SLC9A9: variants seen among roughly 807,000 people sequenced by gnomAD.
SLC9A9 encodes the protein solute carrier family 9 member A9, also known as sodium/hydrogen exchanger 9.
Under a neutral mutation model 77.8 loss-of-function variants are expected in SLC9A9, and 62 were observed. The observed-to-expected ratio is 0.80, with a 90% CI of 0.65 to 0.98. The LOEUF is 0.98. Ranked by LOEUF, SLC9A9 falls within the 50% of genes least tolerant of loss-of-function variation. The pLI is 0.00. For synonymous variants in SLC9A9, 320 were observed against 283.5 expected, an observed-to-expected ratio of 1.13 and a Z score of -1.29; for missense variants, 775 against 774.9, an observed-to-expected ratio of 1.00 and a Z score of 0.00.
intron 12 of SLC9A9, among the ~76,000 whole-genome samples, chr3:143,417,149 C>A (rs1264332848): frequency 6.6e-6 from 1 of 152,044 alleles, no homozygotes; most frequent in Non-Finnish European, 1.5e-5. Context: ...GGGAGAGAAT[C>A]TATTGCTCAG....
chr3:143,613,168 T>G (rs553469122), intron 6 of SLC9A9, among the ~76,000 whole-genome samples: 1 of 152,338 alleles, frequency 6.6e-6, no homozygotes, highest in East Asian at 1.9e-4. Flanking sequence ...GGGCTATGGT[T>G]TAAATTGCAT....
At chr3:143,729,539 A>G (rs745414757) in intron 4 of SLC9A9, among the ~76,000 whole-genome samples, 23 of 152,100 alleles carry the variant, frequency 1.5e-4, no homozygotes, top group Non-Finnish European at 2.5e-4. Context: ...TTGTCTTTTT[A>G]TATCTGTGGA....
At chr3:143,449,810 A>AT (rs2034950396) in intron 12 of SLC9A9, among the ~76,000 whole-genome samples, 1 of 47,602 alleles carries the variant, frequency 2.1e-5, no homozygotes, top group Non-Finnish European at 3.1e-5. Context: ...TTATATATAT[A>AT]ATTATATATT....
At chr3:143,451,602 C>T (rs1034025218) in intron 12 of SLC9A9, among the ~76,000 whole-genome samples, 14 of 151,990 alleles carry the variant, frequency 9.2e-5, no homozygotes, top group Non-Finnish European at 1.8e-4. Context: ...AAATCTGTTT[C>T]AAAGCAGTAC....
At chr3:143,559,809 A>G (rs1357854151) in intron 8 of SLC9A9, among the ~76,000 whole-genome samples, 1 of 152,220 alleles carries the variant, frequency 6.6e-6, no homozygotes, top group African/African-American at 2.4e-5. Context: ...AGTCTTCTCC[A>G]TGTAAAAAAG....
chr3:143,831,784 A>G (rs1242091598), intron 2 of SLC9A9, among the ~76,000 whole-genome samples: 1 of 152,200 alleles, frequency 6.6e-6, no homozygotes, highest in Non-Finnish European at 1.5e-5. Context: ...CAGAAAAACA[A>G]AAAAGAAAAC....
At chr3:143,519,767 T>C (rs1192063178) in intron 9 of SLC9A9, among the ~76,000 whole-genome samples, 1 of 151,966 alleles carries the variant, frequency 6.6e-6, no homozygotes, top group African/African-American at 2.4e-5. Flanking sequence ...ATTTTGAAAG[T>C]AGAGAGAGGT....
intron 2 of SLC9A9, among the ~76,000 whole-genome samples, chr3:143,798,800 T>G (rs1259525049): frequency 6.6e-6 from 1 of 152,124 alleles, no homozygotes; most frequent in Non-Finnish European, 1.5e-5. Context: ...TCTGTTCCCA[T>G]GCAACTTGTC....
At chr3:143,484,158 A>G (rs944909216) in intron 11 of SLC9A9, among the ~76,000 whole-genome samples, 2 of 152,204 alleles carry the variant, frequency 1.3e-5, no homozygotes, top group Non-Finnish European at 2.9e-5. Context: ...TCAGAGGGCT[A>G]CTAAAGTCAT....
chr3:143,527,925 G>A (rs929689393), intron 9 of SLC9A9, among the ~76,000 whole-genome samples: 7 of 152,204 alleles, frequency 4.6e-5, no homozygotes, highest in African/African-American at 1.7e-4. Context: ...CAAGGTGAGA[G>A]GCATTGTCAC....
At chr3:143,525,767 G>A (rs2036393728) in intron 9 of SLC9A9, among the ~76,000 whole-genome samples, 1 of 152,124 alleles carries the variant, frequency 6.6e-6, no homozygotes, top group Admixed American at 6.5e-5. Context: ...AAAATCCACA[G>A]GCTGTGAGAG....
chr3:143,273,637 G>T (rs1017446362), intron 14 of SLC9A9, among the ~76,000 whole-genome samples: 1 of 152,092 alleles, frequency 6.6e-6, no homozygotes, highest in African/African-American at 2.4e-5. Context: ...CACTTATCTT[G>T]GGCCCTCTTT....
rs150158719 is a variant in SLC9A9 at position 143,337,241 on chromosome 3, A to G, written c.1604+26243T>C. On this transcript the variant is annotated intron_variant, in intron 14 of 15. Coordinates refer to ENST00000316549, the MANE Select transcript of SLC9A9 (RefSeq NM_173653.4). ...CCTTGAATTGAATTTTCAGCCTCAGAGAGATCAGAAGCTTCCCTCCTTCCA... is the reference window on the plus strand; with the variant it reads ...CCTTGAATTGAATTTTCAGCCTCAGGGAGATCAGAAGCTTCCCTCCTTCCA... Among the ~76,000 whole-genome samples the G allele has an allele frequency of 3.4e-3, 513 of 152,264 alleles. 4 individuals are homozygous for G. The highest frequency in any genetic ancestry group is 0.012 in the African/African-American group (500 of 41,534).
chr3:143,484,778 A>G (rs838649), intron 11 of SLC9A9, among the ~76,000 whole-genome samples: 33,774 of 152,154 alleles, frequency 0.22, 4,822 homozygotes, highest in Non-Finnish European at 0.33. Flanking sequence ...TTCAAAGTCG[A>G]GAGGCCTGGG....
At chr3:143,374,666 A>G (rs1365769318) in intron 13 of SLC9A9, among the ~76,000 whole-genome samples, 3 of 151,970 alleles carry the variant, frequency 2.0e-5, no homozygotes, top group Non-Finnish European at 4.4e-5. Context: ...CATAATAGGT[A>G]TATATATTTA....
intron 11 of SLC9A9, among the ~76,000 whole-genome samples, chr3:143,474,078 A>T (rs946842366): frequency 1.4e-4 from 21 of 152,168 alleles, no homozygotes; most frequent in Non-Finnish European, 1.0e-4. Flanking sequence ...CAGAGAACCT[A>T]ATAGAGGGAG....
At chr3:143,405,124 CT>C (rs1382707185) in intron 12 of SLC9A9, among the ~76,000 whole-genome samples, 1 of 152,110 alleles carries the variant, frequency 6.6e-6, no homozygotes, top group African/African-American at 2.4e-5. Flanking sequence ...CCAGAAGGGC[CT>C]TTTTTGTCTG....
chr3:143,618,596 A>G (rs1372604163), intron 6 of SLC9A9, among the ~76,000 whole-genome samples: 1 of 152,128 alleles, frequency 6.6e-6, no homozygotes, highest in Non-Finnish European at 1.5e-5. Context: ...CCTGCTGGTG[A>G]GAGAGAGGTG....
intron 8 of SLC9A9, among the ~76,000 whole-genome samples, chr3:143,558,593 G>A (rs760190512): frequency 1.4e-4 from 21 of 152,142 alleles, no homozygotes; most frequent in Non-Finnish European, 2.5e-4. Flanking sequence ...CTGACATAAT[G>A]GATTTTGGAG....
Sources: allele counts gnomAD v4.1 joint callset (sites outside exome capture counted in the v4.1 genomes callset), GRCh38; gene constraint gnomAD v4.1.1; transcripts MANE v1.5; gene names NCBI Gene and HGNC (gene_info 2026-07-23, HGNC 2026-07-21).